FAIM2: variants seen among roughly 807,000 people sequenced by gnomAD.
FAIM2 encodes protein lifeguard 2.
Under a neutral mutation model 47.4 loss-of-function variants are expected in FAIM2, and 27 were observed. The observed-to-expected ratio is 0.57, with a 90% confidence interval of 0.42 to 0.78. FAIM2 has a LOEUF of 0.78. Ranked by LOEUF, FAIM2 falls within the 30% of genes least tolerant of loss-of-function variation. The pLI, the probability that FAIM2 is intolerant of heterozygous loss-of-function variation, is 0.00. For missense variants in FAIM2, 311 were observed against 389.4 expected (o/e 0.80, Z 1.69); for synonymous variants, 156 against 159.3 (o/e 0.98, Z 0.16).
intron 5 of FAIM2, 64 bp from the exon 6 acceptor site, chr12:49,891,178 C>T: frequency 6.8e-7 from 1 of 1,474,568 alleles, no homozygotes; most frequent in Non-Finnish European, 9.5e-7. Flanking sequence ...CCAAGATCCC[C>T]TGCTTATGCC....
rs1946689056 is a variant in FAIM2 at position 49,869,801 on chromosome 12, GC to G, written c.*702del. On this transcript the variant is annotated 3_prime_UTR_variant, in exon 12 of 12. Transcript: ENST00000320634. The stretch of plus-strand genomic sequence containing the variant: ...GGGCAGGCCCTTACCAAGGAGCGGG[GC>G]CCCCTGCCCTCACCTCCTGCCCCAA... The G allele has an allele frequency of 6.6e-6, 1 of 152,298 alleles. No homozygotes were observed. Among genetic ancestry groups the G allele is most frequent in the Non-Finnish European group, 1.5e-5 (1 of 68,146 alleles). The allele number at this position is 152,298 out of a possible 1,614,324, so 9.4% of individuals were successfully genotyped here. A position where few individuals can be genotyped will look rare whatever the true frequency, so the allele number is the denominator to read the frequency against.
intron 7 of FAIM2, among the ~76,000 whole-genome samples, 181 bp from the exon 8 acceptor site, chr12:49,890,335 T>C (rs1007808002): frequency 1.3e-5 from 2 of 152,126 alleles, no homozygotes; most frequent in Non-Finnish European, 2.9e-5. Context: ...TACTGCCAGC[T>C]TCAGGCTCTG....
rs962813989 is a variant in FAIM2 at position 49,868,582 on chromosome 12, T to A, written c.*1922A>T. 5.3e-5 allele frequency: 8 copies of A among 152,116 alleles called. No homozygotes were observed. Among genetic ancestry groups the A allele is most frequent in the African/African-American group, 1.9e-4 (8 of 41,442 alleles). 9.4% of individuals were successfully genotyped at this position (152,116 alleles called of 1,614,324 possible). A position where few individuals can be genotyped will look rare whatever the true frequency, so the allele number is the denominator to read the frequency against. On this transcript the variant is annotated 3_prime_UTR_variant, in exon 12 of 12. Transcript: ENST00000320634. ...CTCTCTGCGCTCTCATGTGGTCTCA[T>A]TCCGGCCCCCACCCAGGCCCAGGGG... is the stretch of plus-strand genomic sequence containing the variant.
chr12:49,895,989 C>A (rs1946934061), intron 5 of FAIM2, among the ~76,000 whole-genome samples: 1 of 152,240 alleles, frequency 6.6e-6, no homozygotes, highest in Admixed American at 6.5e-5. Flanking sequence ...TGCATTCTCG[C>A]CCCACGCTTT....
At chr12:49,886,600 G>C (rs1189962969) in intron 11 of FAIM2, among the ~76,000 whole-genome samples, 2 of 151,918 alleles carry the variant, frequency 1.3e-5, no homozygotes, top group Non-Finnish European at 2.9e-5. Flanking sequence ...CTCAGCCTCC[G>C]GAGTAGCTGG....
rs1442639466 is a variant in FAIM2, at chr12:49,878,591, T to C, written c.802-7938A>G. 1.0e-4 allele frequency among the ~76,000 whole-genome samples: 11 copies of C among 108,498 alleles called. 2 individuals carry two copies. Among genetic ancestry groups the C allele is most frequent in the African/African-American group, 3.6e-4 (11 of 30,514 alleles). The allele number at this position is 108,498 out of a possible 152,430, so 71.2% of individuals were successfully genotyped here. ...ATGTTCATGTGTATATGTACATGTG[T>C]ATGTGTATGTGTGCATGTGTATGTG... On this transcript the variant is annotated intron_variant, in intron 11 of 11. Transcript: ENST00000320634.
intron 6 of FAIM2, 147 bp downstream of exon 6, chr12:49,890,917 G>A (rs1455132863): frequency 5.6e-6 from 5 of 885,130 alleles, no homozygotes; most frequent in Non-Finnish European, 9.4e-6. Flanking sequence ...GGTAAAGGAG[G>A]GAGGGGCTGC....
At chr12:49,890,802 G>C in intron 6 of FAIM2, 80 bp from the exon 7 acceptor site, 2 of 1,289,938 alleles carry the variant, frequency 1.6e-6, no homozygotes. Context: ...TTGCAGGGAG[G>C]GGGTCTCTGA....
chr12:49,886,464 CTTAAT>C (rs1439331908), intron 11 of FAIM2, among the ~76,000 whole-genome samples: 1 of 152,058 alleles, frequency 6.6e-6, no homozygotes, highest in Non-Finnish European at 1.5e-5. Context: ...GTTTCCCCAT[CTTAAT>C]TTATTTATTA....
intron 5 of FAIM2, among the ~76,000 whole-genome samples, chr12:49,893,749 C>T (rs1204390242): frequency 6.6e-6 from 1 of 152,178 alleles, no homozygotes; most frequent in Non-Finnish European, 1.5e-5. Flanking sequence ...GTAGTTGGTG[C>T]CAGGGGCTGC....
rs1946757436 is a variant in FAIM2 at position 49,878,297 on chromosome 12, GGT to G, written c.802-7646_802-7645del. Among the ~76,000 whole-genome samples, 3 of 117,322 alleles carry G rather than the reference GGT, an allele frequency of 2.6e-5. 1 individual carries two copies. Among genetic ancestry groups the G allele is most frequent in the Admixed American group, 2.0e-4 (2 of 10,102 alleles). 77.0% of individuals were successfully genotyped at this position (117,322 alleles called of 152,430 possible). ...CCATGTGTCTATATGTGAGTGTATG[GGT>G]GTATGTGCATGCGTGTATATGTGTA... On this transcript the variant is annotated intron_variant, in intron 11 of 11. Transcript: ENST00000320634.
chr12:49,873,128 G>A (rs575479615), intron 11 of FAIM2, among the ~76,000 whole-genome samples: 5 of 152,168 alleles, frequency 3.3e-5, no homozygotes, highest in South Asian at 2.1e-4. Flanking sequence ...CACGGGGTGC[G>A]TCAGTCTCCT....
intron 5 of FAIM2, among the ~76,000 whole-genome samples, chr12:49,895,036 C>A (rs925036076): frequency 3.3e-5 from 5 of 149,424 alleles, no homozygotes; most frequent in Non-Finnish European, 6.0e-5. Flanking sequence ...GGGGGCAGGA[C>A]GGAGAGAGCT....
At chr12:49,876,070 C>T (rs1459573131) in intron 11 of FAIM2, among the ~76,000 whole-genome samples, 3 of 152,256 alleles carry the variant, frequency 2.0e-5, no homozygotes, top group East Asian at 1.9e-4. Context: ...TGTGGTCATA[C>T]GAGAAAGGGC....
chr12:49,882,906 A>C (rs944510209), intron 11 of FAIM2, among the ~76,000 whole-genome samples: 6 of 152,192 alleles, frequency 3.9e-5, no homozygotes, highest in Non-Finnish European at 8.8e-5. Context: ...GGAGACAGAC[A>C]ATGAGCAACA....
Position 49,870,274 on chromosome 12 carries a change from A to G in FAIM2, c.*230T>C. 2.2e-6 allele frequency: 1 copy of G among 446,658 alleles called. No homozygotes were observed. The highest frequency in any genetic ancestry group is 3.6e-5 in the South Asian group (1 of 28,116). 27.7% of individuals were successfully genotyped at this position (446,658 alleles called of 1,614,324 possible). A position where few individuals can be genotyped will look rare whatever the true frequency, so the allele number is the denominator to read the frequency against. ...AGCCTTGACCGTCCCAGTTTGGAAG[A>G]TGTAACGGGCGAATGGGGCGGCACA... On this transcript the variant is annotated 3_prime_UTR_variant, in exon 12 of 12. Transcript: ENST00000320634.
chr12:49,869,894 T>C lies in FAIM2; in HGVS notation c.*610A>G. 6.6e-6 allele frequency: 1 copy of C among 152,296 alleles called. No individual in the cohort carries two copies. The highest frequency in any genetic ancestry group is 1.5e-5 in the Non-Finnish European group (1 of 68,296). The allele number at this position is 152,296 out of a possible 1,614,324, so 9.4% of individuals were successfully genotyped here. A position where few individuals can be genotyped will look rare whatever the true frequency, so the allele number is the denominator to read the frequency against. On this transcript the variant is annotated 3_prime_UTR_variant, in exon 12 of 12. Transcript: ENST00000320634. ...AGCAGACAGCACAGGCTTCAGACCC[T>C]CTCCTATTGCCCTTGGCCTCCAGGT...
chr12:49,885,418 T>C (rs1482955640), intron 11 of FAIM2, among the ~76,000 whole-genome samples: 1 of 152,200 alleles, frequency 6.6e-6, no homozygotes, highest in Non-Finnish European at 1.5e-5. Context: ...TTGCCCAGAC[T>C]AGCTCTCCCG....
chr12:49,899,946 T>C (rs1565620837), intron 2 of FAIM2, among the ~76,000 whole-genome samples: 1 of 152,120 alleles, frequency 6.6e-6, no homozygotes, highest in Non-Finnish European at 1.5e-5. Flanking sequence ...AACGAGGATA[T>C]GGGAAATGAG....
Sources: allele counts gnomAD v4.1 joint callset (sites outside exome capture counted in the v4.1 genomes callset), GRCh38; gene constraint gnomAD v4.1.1; transcripts MANE v1.5; gene names NCBI Gene and HGNC (gene_info 2026-07-23, HGNC 2026-07-21).